EPN2: variants seen among roughly 807,000 people sequenced by gnomAD.
The protein encoded by EPN2 is epsin-2.
A neutral mutation model predicts 61.7 loss-of-function variants in EPN2; 34 were observed. The ratio of observed to expected loss-of-function variants is 0.55; its 90% confidence interval spans 0.42 to 0.73. The LOEUF (loss-of-function observed/expected upper bound fraction) is 0.73, where lower values mean the gene tolerates loss of function less well. EPN2 is among the 30% of genes least tolerant of loss of function. The pLI, the probability that EPN2 is intolerant of heterozygous loss-of-function variation, is 0.00. For synonymous variants in EPN2, 349 were observed against 353.6 expected, an observed-to-expected ratio of 0.99 and a Z score of 0.15; for missense variants, 714 against 839.2, an observed-to-expected ratio of 0.85 and a Z score of 1.84.
intron 4 of EPN2, among the ~76,000 whole-genome samples, chr17:19,297,854 A>G (rs1445738322): frequency 6.6e-6 from 1 of 151,832 alleles, no homozygotes; most frequent in African/African-American, 2.4e-5. Context: ...CTAGATACTT[A>G]GTTATATTTA....
chr17:19,321,788 C>T (rs892172421), intron 7 of EPN2, among the ~76,000 whole-genome samples: 2 of 152,122 alleles, frequency 1.3e-5, no homozygotes, highest in African/African-American at 4.8e-5. Context: ...CCACAGGGGG[C>T]CAGAATCAGC....
At chr17:19,289,102 T>TTG (rs1439774880) in intron 4 of EPN2, among the ~76,000 whole-genome samples, 2 of 145,550 alleles carry the variant, frequency 1.4e-5, no homozygotes, top group African/African-American at 5.1e-5. Context: ...TTTTTTTTTT[T>TTG]GAGACAGAAT....
intron 1 of EPN2, among the ~76,000 whole-genome samples, chr17:19,270,279 G>A (rs1241601268): frequency 6.6e-6 from 1 of 152,202 alleles, no homozygotes; most frequent in Non-Finnish European, 1.5e-5. Context: ...ATTCTGTTCT[G>A]TTACTAGTAT....
intron 7 of EPN2, among the ~76,000 whole-genome samples, chr17:19,319,890 C>T (rs1191858811): frequency 1.3e-5 from 2 of 152,118 alleles, no homozygotes; most frequent in African/African-American, 2.4e-5. Context: ...TTGATCCACC[C>T]GCCTCGGCCT....
chr17:19,319,611 G>A (rs907826318), intron 7 of EPN2, among the ~76,000 whole-genome samples: 4 of 152,040 alleles, frequency 2.6e-5, no homozygotes, highest in Middle Eastern at 3.4e-3. Context: ...GATTACAGGC[G>A]TGAGCCACCT....
chr17:19,303,045 G>A (rs1905612208), intron 4 of EPN2, among the ~76,000 whole-genome samples: 1 of 152,222 alleles, frequency 6.6e-6, no homozygotes, highest in Non-Finnish European at 1.5e-5. Context: ...GCGTTCAGTC[G>A]CTTTCCTGGG....
intron 10 of EPN2, 105 bp from the exon 11 acceptor site, chr17:19,333,851 G>A: frequency 3.2e-6 from 3 of 942,092 alleles, no homozygotes; most frequent in Non-Finnish European, 4.6e-6. Flanking sequence ...CACGGGCTCT[G>A]AGGGCACAGC....
In EPN2 at chr17:19,244,295, C is replaced by T. The variant is rs542105004; in HGVS notation, c.-294+6764C>T. ...CCAACATGGCGAAACCCCATTTCTA[C>T]TAAAAATACAAAAATGAGCCAGGTG... On this transcript the variant is annotated intron_variant, in intron 1 of 10. Coordinates refer to ENST00000314728, the MANE Select transcript of EPN2 (RefSeq NM_014964.5). 2.0e-5 allele frequency among the ~76,000 whole-genome samples: 3 copies of T among 152,170 alleles called. No homozygotes were observed. In the East Asian group the frequency reaches 5.8e-4, roughly 29 times the overall value.
Position 19,336,473 on chromosome 17 carries a change from C to T in EPN2, c.*2219C>T, listed in dbSNP as rs1279850787. The T allele has an allele frequency of 2.0e-5, 3 of 152,768 alleles. No individual in the cohort carries two copies. In the East Asian group the frequency reaches 5.8e-4, roughly 30 times the overall value. The allele number at this position is 152,768 out of a possible 1,614,324, so 9.5% of individuals were successfully genotyped here. A position where few individuals can be genotyped will look rare whatever the true frequency, so the allele number is the denominator to read the frequency against. ...GGGACCCAAGAAGACAGCCCCCTGC[C>T]CCATCTTCTGGCACAGGCCATCCCG... is the stretch of plus-strand genomic sequence containing the variant. On this transcript the variant is annotated 3_prime_UTR_variant, in exon 11 of 11. Transcript: ENST00000314728.
chr17:19,298,283 C>T (rs918747493), intron 4 of EPN2, among the ~76,000 whole-genome samples: 1 of 152,182 alleles, frequency 6.6e-6, no homozygotes, highest in Non-Finnish European at 1.5e-5. Context: ...CAACCTCCGC[C>T]CCCCAGGTTC....
chr17:19,259,308 C>CTTTTTTT (rs776768357), intron 1 of EPN2, among the ~76,000 whole-genome samples: 5 of 96,188 alleles, frequency 5.2e-5, no homozygotes, highest in East Asian at 3.4e-4. Flanking sequence ...AGTGTTGGGT[C>CTTTTTTT]TTTTTTTTTT....
intron 1 of EPN2, among the ~76,000 whole-genome samples, chr17:19,278,574 C>T (rs371106384): frequency 5.3e-5 from 8 of 152,326 alleles, no homozygotes; most frequent in African/African-American, 1.4e-4. Flanking sequence ...TTCCACAACA[C>T]GTGGGAATTC....
chr17:19,318,434 A>G (rs1906486323), intron 7 of EPN2, among the ~76,000 whole-genome samples: 1 of 151,488 alleles, frequency 6.6e-6, no homozygotes, highest in African/African-American at 2.4e-5. Flanking sequence ...TTGTAATCCC[A>G]GCTACTTGGG....
intron 1 of EPN2, among the ~76,000 whole-genome samples, chr17:19,277,428 A>C (rs1041526894): frequency 1.3e-5 from 2 of 150,910 alleles, no homozygotes; most frequent in Non-Finnish European, 2.9e-5. Flanking sequence ...AAAAGAGAGA[A>C]ATAACAGGAT....
chr17:19,238,667 G>A (rs748701926), intron 1 of EPN2, among the ~76,000 whole-genome samples: 6 of 152,180 alleles, frequency 3.9e-5, no homozygotes, highest in Non-Finnish European at 8.8e-5. Context: ...TAGAAGCTAG[G>A]TCTCCAGGCT....
intron 1 of EPN2, among the ~76,000 whole-genome samples, chr17:19,253,960 CTG>C (rs1252085798): frequency 2.6e-5 from 4 of 151,782 alleles, no homozygotes. Flanking sequence ...GGTGAAAACC[CTG>C]TCTCTACTGA....
At chr17:19,289,763 G>C (rs1179901445) in intron 4 of EPN2, among the ~76,000 whole-genome samples, 2 of 98,484 alleles carry the variant, frequency 2.0e-5, no homozygotes, top group African/African-American at 7.6e-5. Flanking sequence ...GTCTCACTCT[G>C]TTGGCCAGGC....
intron 1 of EPN2, among the ~76,000 whole-genome samples, chr17:19,260,492 T>G (rs1168139456): frequency 6.6e-6 from 1 of 151,966 alleles, no homozygotes; most frequent in African/African-American, 2.4e-5. Flanking sequence ...CTTACACGGG[T>G]TGGTGGCGGA....
At chr17:19,247,656 T>G (rs2044967968) in intron 1 of EPN2, among the ~76,000 whole-genome samples, 1 of 152,214 alleles carries the variant, frequency 6.6e-6, no homozygotes, top group South Asian at 2.1e-4. Context: ...AGATGGCCAC[T>G]GGCTCTGATG....
Sources: gnomAD v4.1 joint callset for allele counts (sites outside exome capture counted in the v4.1 genomes callset) on GRCh38, gnomAD v4.1.1 for gene constraint, MANE v1.5 for transcripts, NCBI Gene and HGNC (gene_info 2026-07-23, HGNC 2026-07-21) for gene names.